The following SCFD2 variants were observed in gnomAD, a reference collection of about 807,000 sequenced individuals.
SCFD2 encodes the protein sec1 family domain-containing protein 2.
Under a neutral mutation model 58.9 loss-of-function variants are expected in SCFD2, and 54 were observed. The ratio of observed to expected loss-of-function variants is 0.92; its 90% CI spans 0.74 to 1.15. SCFD2 has a LOEUF of 1.15. Among genes scored for constraint, SCFD2 ranks in the 50% most tolerant of loss-of-function variants. SCFD2 has a pLI of 0.00. For synonymous variants in SCFD2, 321 were observed against 335.9 expected (o/e 0.96, Z 0.49); for missense variants, 805 against 836.6 (o/e 0.96, Z 0.47).
At chr4:53,202,978 G>T (rs1013577216) in intron 4 of SCFD2, among the ~76,000 whole-genome samples, 2 of 152,072 alleles carry the variant, frequency 1.3e-5, no homozygotes, top group Non-Finnish European at 2.9e-5. Context: ...GCAAACAGGG[G>T]CAATTTGACT....
Position 52,874,081 on chromosome 4 carries a change from A to T in SCFD2, c.1963-20T>A. On this transcript the variant is annotated intron_variant, in intron 8 of 8. Transcript: ENST00000401642. The stretch of plus-strand genomic sequence containing the variant: ...GATTACCTAACAACAGGAGAGGGCA[A>T]ACACACCGCAGGGAATTAGGGGGGC... 6.5e-7 allele frequency: 1 copy of T among 1,540,654 alleles called. No individual in the cohort carries two copies. Among genetic ancestry groups the T allele is most frequent in the Non-Finnish European group, 9.0e-7 (1 of 1,113,024 alleles).
At chr4:53,236,451 GATATAT>G (rs146595901) in intron 4 of SCFD2, among the ~76,000 whole-genome samples, 1 of 144,626 alleles carries the variant, frequency 6.9e-6, no homozygotes, top group Non-Finnish European at 1.5e-5. Flanking sequence ...CATATATAAG[GATATAT>G]ATATATATAT....
intron 5 of SCFD2, among the ~76,000 whole-genome samples, chr4:53,051,507 T>C (rs1360802932): frequency 2.6e-5 from 4 of 152,324 alleles, no homozygotes; most frequent in East Asian, 3.9e-4. Flanking sequence ...CCCAAGCCCC[T>C]GAGTTACCTG....
At chr4:52,954,105 GC>G (rs1390944725) in intron 5 of SCFD2, among the ~76,000 whole-genome samples, 1 of 152,188 alleles carries the variant, frequency 6.6e-6, no homozygotes, top group African/African-American at 2.4e-5. Context: ...AGGGAGCAGT[GC>G]CTGGCATAGA....
chr4:52,938,897 C>T (rs1226265912), intron 5 of SCFD2, among the ~76,000 whole-genome samples: 1 of 152,168 alleles, frequency 6.6e-6, no homozygotes, highest in African/African-American at 2.4e-5. Context: ...TTTTACTCTT[C>T]TCTGAATGAG....
intron 5 of SCFD2, among the ~76,000 whole-genome samples, chr4:53,124,325 G>C (rs1484937165): frequency 1.3e-5 from 2 of 152,178 alleles, no homozygotes; most frequent in Non-Finnish European, 2.9e-5. Flanking sequence ...TTGGGCCAGA[G>C]AAAGCTGAGG....
At chr4:52,893,218 CTTTT>C (rs1560472358) in intron 7 of SCFD2, among the ~76,000 whole-genome samples, 1 of 152,020 alleles carries the variant, frequency 6.6e-6, no homozygotes, top group African/African-American at 2.4e-5. Context: ...CCCTTTCTTT[CTTTT>C]CTTTCCCTTC....
At chr4:53,248,620 C>A (rs79396683) in intron 4 of SCFD2, among the ~76,000 whole-genome samples, 1 of 152,206 alleles carries the variant, frequency 6.6e-6, no homozygotes, top group South Asian at 2.1e-4. Flanking sequence ...TGACCCCTGA[C>A]CCCCGAGCAG....
At chr4:53,109,233 A>G (rs1156978690) in intron 5 of SCFD2, among the ~76,000 whole-genome samples, 1 of 152,238 alleles carries the variant, frequency 6.6e-6, no homozygotes, top group African/African-American at 2.4e-5. Context: ...AATGAGAGCT[A>G]TCTATGACAA....
intron 8 of SCFD2, among the ~76,000 whole-genome samples, chr4:52,884,467 G>T (rs1257212364): frequency 6.6e-6 from 1 of 152,146 alleles, no homozygotes; most frequent in East Asian, 1.9e-4. Flanking sequence ...TGACAATTCT[G>T]AGTCATGTAA....
intron 5 of SCFD2, among the ~76,000 whole-genome samples, chr4:53,105,295 T>C (rs1724958608): frequency 6.6e-6 from 1 of 151,810 alleles, no homozygotes; most frequent in Non-Finnish European, 1.5e-5. Context: ...TTAGGAGTTT[T>C]TTTTCATACC....
intron 3 of SCFD2, among the ~76,000 whole-genome samples, chr4:53,302,814 G>T (rs1295951148): frequency 6.6e-6 from 1 of 152,154 alleles, no homozygotes; most frequent in Admixed American, 6.5e-5. Context: ...ACAACTATCT[G>T]TTCTTTGACA....
At chr4:53,278,369 A>AAG (rs1553895462) in intron 3 of SCFD2, among the ~76,000 whole-genome samples, 16 of 150,888 alleles carry the variant, frequency 1.1e-4, no homozygotes, top group African/African-American at 9.7e-5. Flanking sequence ...AAAAAAAAAA[A>AAG]AAAAGAAAAA....
At chr4:53,078,108 A>AT (rs964948699) in intron 5 of SCFD2, among the ~76,000 whole-genome samples, 1 of 152,122 alleles carries the variant, frequency 6.6e-6, no homozygotes, top group African/African-American at 2.4e-5. Flanking sequence ...TACAGGAGCA[A>AT]TTTTTTAGCA....
intron 4 of SCFD2, among the ~76,000 whole-genome samples, chr4:53,230,721 T>C (rs1577870050): frequency 6.6e-6 from 1 of 151,922 alleles, no homozygotes; most frequent in African/African-American, 2.4e-5. Flanking sequence ...TATATACATA[T>C]GTAACAAACC....
chr4:52,912,434 T>C (rs1204808353), intron 6 of SCFD2, among the ~76,000 whole-genome samples: 2 of 152,212 alleles, frequency 1.3e-5, no homozygotes, highest in East Asian at 3.8e-4. Flanking sequence ...TATTTTTAAT[T>C]GTAACCAAAA....
chr4:52,969,828 C>A (rs1721052642), intron 5 of SCFD2, among the ~76,000 whole-genome samples: 1 of 152,146 alleles, frequency 6.6e-6, no homozygotes, highest in Non-Finnish European at 1.5e-5. Flanking sequence ...CAAAACCTAG[C>A]CTCTACTGCC....
chr4:52,974,461 A>G (rs1721197267), intron 5 of SCFD2, among the ~76,000 whole-genome samples: 2 of 152,214 alleles, frequency 1.3e-5, no homozygotes, highest in African/African-American at 4.8e-5. Flanking sequence ...CCAACTTACA[A>G]GGGACATGAA....
intron 1 of SCFD2, among the ~76,000 whole-genome samples, chr4:53,362,823 G>A (rs1734583601): frequency 1.3e-5 from 2 of 152,192 alleles, no homozygotes; most frequent in Admixed American, 6.5e-5. Context: ...AAATCTATGA[G>A]AGAAGTGAAA....
Sources: gnomAD v4.1 joint callset for allele counts (sites outside exome capture counted in the v4.1 genomes callset) on GRCh38, gnomAD v4.1.1 for gene constraint, MANE v1.5 for transcripts, NCBI Gene and HGNC (gene_info 2026-07-23, HGNC 2026-07-21) for gene names.